LRRC31: variants seen among roughly 807,000 people sequenced by gnomAD.
The protein encoded by LRRC31 is leucine-rich repeat-containing protein 31.
A neutral mutation model predicts 46.7 loss-of-function variants in LRRC31; 35 were observed. The observed-to-expected ratio is 0.75, with a 90% CI of 0.57 to 0.99. The LOEUF is 0.99. Ranked by LOEUF, LRRC31 falls within the 50% of genes least tolerant of loss-of-function variation. The pLI, the probability that LRRC31 is intolerant of heterozygous loss-of-function variation, is 0.00. For synonymous variants in LRRC31, 236 were observed against 235.1 expected (o/e 1.00, Z -0.03); for missense variants, 613 against 626.1 (o/e 0.98, Z 0.22).
At chr3:169,868,845 G>T (rs1233520468) in intron 1 of LRRC31, among the ~76,000 whole-genome samples, 1 of 152,004 alleles carries the variant, frequency 6.6e-6, no homozygotes, top group East Asian at 1.9e-4. Context: ...TAACCCATAA[G>T]ATCACTTTAG....
intron 3 of LRRC31, among the ~76,000 whole-genome samples, chr3:169,859,293 C>T (rs937629643): frequency 6.9e-5 from 7 of 101,090 alleles, no homozygotes; most frequent in African/African-American, 2.8e-4. Flanking sequence ...GAAACACCGT[C>T]TCAAAAAAAA....
chr3:169,840,053 C>A lies in LRRC31; in HGVS notation c.1588G>T (p.Glu530Ter). Residue 530 changes from glutamate to a stop codon, truncating the protein, a stop_gained, in exon 9 of 9, where the codon GAG becomes TAG. Transcript: ENST00000316428. LOFTEE classifies it low-confidence loss of function (END_TRUNC). The part of the protein sequence containing the change: ...MKRWILPASQ[E>*]EELECFDQDK... ...TGGTCAAAGCATTCTAGTTCTTCCT[C>A]CTGTGAAGCTGGGAGAATCCATCTT... 1.2e-6 allele frequency: 2 copies of A among 1,613,994 alleles called. No homozygotes were observed. Among genetic ancestry groups the A allele is most frequent in the South Asian group, 2.2e-5 (2 of 91,072 alleles).
chr3:169,844,371 A>G (rs1780540523), intron 8 of LRRC31, among the ~76,000 whole-genome samples: 4 of 152,168 alleles, frequency 2.6e-5, no homozygotes. Context: ...GCTCATCTCA[A>G]TAGATGCAGA....
chr3:169,851,557 A>T (rs1780766247), intron 7 of LRRC31, 62 bp downstream of exon 7: 7 of 1,496,282 alleles, frequency 4.7e-6, no homozygotes, highest in Non-Finnish European at 6.4e-6. Flanking sequence ...AAATGCAGGG[A>T]AAAAGAAGTC....
chr3:169,868,244 A>C (rs2108233567), intron 1 of LRRC31, among the ~76,000 whole-genome samples: 2 of 152,302 alleles, frequency 1.3e-5, no homozygotes, highest in South Asian at 4.1e-4. Flanking sequence ...CAAGCACTCT[A>C]GGCTCAGTCG....
chr3:169,863,723 G>T (rs1297772473), intron 1 of LRRC31, among the ~76,000 whole-genome samples: 1 of 152,182 alleles, frequency 6.6e-6, no homozygotes, highest in Non-Finnish European at 1.5e-5. Context: ...CAACAACAGG[G>T]TGCCCAGTTA....
rs1222559858 is a variant in LRRC31 at position 169,840,128 on chromosome 3, AG to A, written c.1512del (p.Leu505CysfsTer5). 1 of 1,614,000 alleles carries A rather than the reference AG, an allele frequency of 6.2e-7. No homozygotes were observed. Among genetic ancestry groups the A allele is most frequent in the East Asian group, 2.2e-5 (1 of 44,890 alleles). On this transcript the variant is annotated frameshift_variant, in exon 9 of 9. Transcript: ENST00000316428. LOFTEE classifies it low-confidence loss of function (END_TRUNC). The stretch of plus-strand genomic sequence containing the variant: ...GGAAGCTTGGTCACAGCATATAACA[AG>A]TGTCTAAACCATTGTCCACAATCTC... ...NFRDCGQWFRHLLYAVTKLPQ... is the reference protein window; with the variant it reads ...NFRDCGQWFRXLLYAVTKLPQ...
chr3:169,846,059 C>T (rs753221991), intron 8 of LRRC31, among the ~76,000 whole-genome samples: 1 of 152,138 alleles, frequency 6.6e-6, no homozygotes, highest in Non-Finnish European at 1.5e-5. Context: ...AGATTTAGAA[C>T]AGACATTTCA....
At chr3:169,852,169 C>T (rs1157037463) in intron 6 of LRRC31, among the ~76,000 whole-genome samples, 7 of 150,622 alleles carry the variant, frequency 4.6e-5, no homozygotes, top group Non-Finnish European at 8.9e-5. Flanking sequence ...GAGGCTGAGG[C>T]GGGTGGATCA....
Position 169,840,200 on chromosome 3 carries a change from T to C in LRRC31, c.1441A>G (p.Lys481Glu), listed in dbSNP as rs768524496. The C allele has an allele frequency of 3.7e-6, 6 of 1,614,082 alleles. No homozygotes were observed. The East Asian group carries it at 1.1e-4, about 30-fold the overall frequency. The part of the protein sequence containing the change: ...TMFCQNVRFL[K>E]ELIELDISLR... ...CTAATATCCAGCTCGATTAGCTCTT[T>C]GAGGAACCGCACGTTTTGGCAGAAC... Residue 481 changes from lysine (K) to glutamate (E), a missense_variant, in exon 9 of 9, where the codon AAA (lysine) becomes GAA (glutamate). Coordinates refer to ENST00000316428, the MANE Select transcript of LRRC31 (RefSeq NM_024727.4).
At chr3:169,840,603 T>G (rs1270746054) in intron 8 of LRRC31, among the ~76,000 whole-genome samples, 2 of 152,242 alleles carry the variant, frequency 1.3e-5, no homozygotes, top group Non-Finnish European at 2.9e-5. Flanking sequence ...CCTACAGATT[T>G]TCTCTAATTA....
chr3:169,850,271 C>T (rs574931901), intron 7 of LRRC31, among the ~76,000 whole-genome samples: 42 of 152,330 alleles, frequency 2.8e-4, no homozygotes. Context: ...TCCTTTTCGG[C>T]CTGAGTATTT....
intron 1 of LRRC31, among the ~76,000 whole-genome samples, chr3:169,868,410 T>A (rs1027701736): frequency 1.3e-5 from 2 of 152,176 alleles, no homozygotes; most frequent in Non-Finnish European, 2.9e-5. Context: ...TCCACCCCCA[T>A]CTAAATAGCA....
At chr3:169,861,586 A>G (rs1011549575) in intron 2 of LRRC31, 84 bp downstream of exon 2, 3 of 1,398,754 alleles carry the variant, frequency 2.1e-6, no homozygotes, top group Non-Finnish European at 2.9e-6. Context: ...TGGGGTTACT[A>G]GGTGGGTAGC....
chr3:169,862,839 C>T (rs1322346061), intron 1 of LRRC31, among the ~76,000 whole-genome samples: 1 of 151,884 alleles, frequency 6.6e-6, no homozygotes, highest in African/African-American at 2.4e-5. Flanking sequence ...GTTATGTACT[C>T]GTTCTTTGCC....
intron 5 of LRRC31, among the ~76,000 whole-genome samples, chr3:169,855,214 A>G (rs1334686527): frequency 6.6e-6 from 1 of 152,122 alleles, no homozygotes; most frequent in African/African-American, 2.4e-5. Flanking sequence ...CAGGGTCAGG[A>G]GTTCAAGACC....
chr3:169,860,531 T>G, intron 3 of LRRC31, 30 bp downstream of exon 3: 1 of 1,613,136 alleles, frequency 6.2e-7, no homozygotes. Flanking sequence ...CCCGGCCGAA[T>G]CCATCTTTTA....
chr3:169,840,290 G>A lies in LRRC31; in HGVS notation c.1351C>T (p.Leu451=). 1 of 1,614,142 alleles carries A rather than the reference G, an allele frequency of 6.2e-7. No homozygotes were observed. Among genetic ancestry groups the A allele is most frequent in the Non-Finnish European group, 8.5e-7 (1 of 1,180,026 alleles). ...LLASVIQTGH[L]AKLQKLDLSY... is the part of the protein sequence containing the mutation. The stretch of plus-strand genomic sequence containing the variant: ...AGGTCCAGCTTTTGCAGTTTGGCCA[G>A]ATGACCCGTCTGTATGACCGATGCT... The change falls in exon 9 of 9, where the codon CTG becomes TTG. Residue 451 remains leucine, a synonymous_variant. Coordinates refer to ENST00000316428, the MANE Select transcript of LRRC31 (RefSeq NM_024727.4).
chr3:169,859,151 C>T (rs369322385), intron 3 of LRRC31, among the ~76,000 whole-genome samples: 4 of 150,628 alleles, frequency 2.7e-5, no homozygotes, highest in Admixed American at 1.3e-4. Flanking sequence ...AAAAATTAGC[C>T]GGGCATGGTG....
Sources: allele counts gnomAD v4.1 joint callset (sites outside exome capture counted in the v4.1 genomes callset), GRCh38; gene constraint gnomAD v4.1.1; transcripts MANE v1.5; gene names NCBI Gene and HGNC (gene_info 2026-07-23, HGNC 2026-07-21).